IDO2: variants seen among roughly 807,000 people sequenced by gnomAD.
The protein encoded by IDO2 is indoleamine 2,3-dioxygenase-like 1 protein.
In IDO2, 46 loss-of-function variants were observed where a neutral mutation model predicts 45.1. That is an observed-to-expected ratio of 1.02 (90% CI 0.80 to 1.30). The LOEUF (loss-of-function observed/expected upper bound fraction) is 1.30, where lower values mean the gene tolerates loss of function less well. Ranked by LOEUF, IDO2 falls within the 50% of genes most tolerant of loss-of-function variation. IDO2 has a pLI of 0.00. For synonymous variants in IDO2, 218 were observed against 184.9 expected (o/e 1.18, Z -1.45); for missense variants, 544 against 491.8 (o/e 1.11, Z -1.00).
At chr8:39,976,844 G>A (rs1056956256) in intron 3 of IDO2, among the ~76,000 whole-genome samples, 3 of 152,068 alleles carry the variant, frequency 2.0e-5, no homozygotes, top group Non-Finnish European at 4.4e-5. Flanking sequence ...TTTTTAGTCC[G>A]ATATTATTTC....
intron 8 of IDO2, among the ~76,000 whole-genome samples, chr8:39,996,147 G>A (rs1802044431): frequency 6.6e-6 from 1 of 151,580 alleles, no homozygotes; most frequent in Non-Finnish European, 1.5e-5. Flanking sequence ...CTTTCCCCGG[G>A]GGAGTTAGAG....
At chr8:39,967,693 G>A (rs999101087) in intron 3 of IDO2, among the ~76,000 whole-genome samples, 1 of 152,084 alleles carries the variant, frequency 6.6e-6, no homozygotes, top group African/African-American at 2.4e-5. Context: ...TCACCATGTT[G>A]GCCAGGCTGG....
intron 8 of IDO2, among the ~76,000 whole-genome samples, chr8:40,002,925 A>C (rs1306947165): frequency 1.3e-5 from 2 of 152,200 alleles, no homozygotes; most frequent in Admixed American, 1.3e-4. Flanking sequence ...GCAAAAAGAG[A>C]GGCAGAGAAT....
At chr8:39,991,664 G>A (rs536782269) in intron 8 of IDO2, among the ~76,000 whole-genome samples, 68 of 148,814 alleles carry the variant, frequency 4.6e-4, no homozygotes, top group South Asian at 1.3e-3. Context: ...TCTGCCTCCC[G>A]GGTTCAAGCG....
At chr8:39,952,604 T>C (rs1807828994) in intron 2 of IDO2, among the ~76,000 whole-genome samples, 2 of 152,166 alleles carry the variant, frequency 1.3e-5, no homozygotes, top group Non-Finnish European at 2.9e-5. Flanking sequence ...CAAATAAATG[T>C]TTCATGTGCC....
intron 8 of IDO2, among the ~76,000 whole-genome samples, chr8:39,999,172 C>A (rs560089596): frequency 6.5e-4 from 99 of 151,784 alleles, no homozygotes; most frequent in Non-Finnish European, 1.6e-4. Flanking sequence ...GAGATGTTAG[C>A]TGTCGGTTTA....
At chr8:40,008,784 T>C (rs918609695) in intron 9 of IDO2, among the ~76,000 whole-genome samples, 2 of 152,182 alleles carry the variant, frequency 1.3e-5, no homozygotes, top group Non-Finnish European at 2.9e-5. Context: ...TTCGGAGTCA[T>C]TGACACATTT....
At chr8:39,982,109 C>T (rs765013057) in intron 4 of IDO2, among the ~76,000 whole-genome samples, 1 of 152,088 alleles carries the variant, frequency 6.6e-6, no homozygotes, top group Non-Finnish European at 1.5e-5. Context: ...AGCTTTGTAT[C>T]TCTATGAGTC....
At chr8:40,011,840 C>G (rs71519524) in intron 9 of IDO2, among the ~76,000 whole-genome samples, 2 of 152,192 alleles carry the variant, frequency 1.3e-5, no homozygotes, top group Non-Finnish European at 2.9e-5. Context: ...AAATTAAATT[C>G]CATATCTGCT....
At chr8:40,006,548 A>G (rs1297376169) in intron 9 of IDO2, among the ~76,000 whole-genome samples, 1 of 152,214 alleles carries the variant, frequency 6.6e-6, no homozygotes, top group Non-Finnish European at 1.5e-5. Flanking sequence ...AACAGGAACA[A>G]ACTAAAACAC....
chr8:39,959,559 C>G (rs1245169276), intron 2 of IDO2, among the ~76,000 whole-genome samples: 1 of 74,310 alleles, frequency 1.3e-5, no homozygotes. Context: ...CAGTGGGTCA[C>G]ACCTGTAATC....
intron 9 of IDO2, among the ~76,000 whole-genome samples, chr8:40,006,440 A>G (rs139741933): frequency 6.6e-6 from 1 of 152,182 alleles, no homozygotes; most frequent in African/African-American, 2.4e-5. Context: ...GTCTTATGAT[A>G]TTTTCAACTT....
exon 2 of IDO2, chr8:39,949,179 G>A: frequency 6.2e-7 from 1 of 1,608,244 alleles, no homozygotes; most frequent in South Asian, 1.1e-5. Context: ...GAGCCCCACA[G>A]ACCGAATGTG....
At chr8:40,015,940 G>A in exon 11 of IDO2, 1 of 363,068 alleles carries the variant, frequency 2.8e-6, no homozygotes, top group Non-Finnish European at 4.9e-6. Context: ...AAATTGCCTG[G>A]GGATACATTA....
chr8:40,015,713 C>A (rs983678276), exon 11 of IDO2: 1 of 765,188 alleles, frequency 1.3e-6, no homozygotes, highest in South Asian at 1.7e-5. Context: ...CAGCCCTATT[C>A]ATGTTTCTGC....
At chr8:39,980,078 C>T (rs1256936840) in intron 4 of IDO2, among the ~76,000 whole-genome samples, 2 of 152,226 alleles carry the variant, frequency 1.3e-5, no homozygotes. Context: ...CCTGCCTTTG[C>T]CTCCTGTGCT....
At chr8:39,984,312 TA>T (rs1808393239) in intron 5 of IDO2, among the ~76,000 whole-genome samples, 2 of 152,052 alleles carry the variant, frequency 1.3e-5, no homozygotes, top group African/African-American at 4.8e-5. Context: ...CCCTCTCTAC[TA>T]AAAATACAAA....
intron 9 of IDO2, among the ~76,000 whole-genome samples, chr8:40,012,238 G>A (rs1802320284): frequency 6.6e-6 from 1 of 152,218 alleles, no homozygotes; most frequent in Admixed American, 6.5e-5. Context: ...ATGTGGATCT[G>A]CTGTTTAAAC....
At chr8:40,007,096 A>G (rs2129595413) in intron 9 of IDO2, among the ~76,000 whole-genome samples, 1 of 152,128 alleles carries the variant, frequency 6.6e-6, no homozygotes, top group African/African-American at 2.4e-5. Flanking sequence ...ATTTTTAAAC[A>G]GTGAAAAATG....
Sources: allele counts gnomAD v4.1 joint callset (sites outside exome capture counted in the v4.1 genomes callset), GRCh38; gene constraint gnomAD v4.1.1; transcripts MANE v1.5; gene names NCBI Gene and HGNC (gene_info 2026-07-23, HGNC 2026-07-21).